Variants in DLK2 observed in about 807,000 individuals in gnomAD.
DLK2 encodes delta like non-canonical Notch ligand 2.
A neutral mutation model predicts 31.3 loss-of-function variants in DLK2; 9 were observed. The observed-to-expected ratio is 0.29, with a 90% confidence interval of 0.17 to 0.50. The LOEUF (loss-of-function observed/expected upper bound fraction) is 0.50, where lower values mean the gene tolerates loss of function less well. DLK2 is among the 20% of genes least tolerant of loss of function. The pLI, the probability that DLK2 is intolerant of heterozygous loss-of-function variation, is 0.98. For missense variants in DLK2, 387 were observed against 526.1 expected (o/e 0.74, Z 2.59); for synonymous variants, 169 against 201.2 (o/e 0.84, Z 1.35).
At chr6:43,452,964 C>T in intron 4 of DLK2, 41 bp downstream of exon 4, 1 of 1,612,638 alleles carries the variant, frequency 6.2e-7, no homozygotes, top group Non-Finnish European at 8.5e-7. Context: ...CCCCTAAGAA[C>T]ATGGGGTTCC....
At position 43,454,731 on chromosome 6, in the gene DLK2, G is replaced by C. The variant is rs1479448925; in HGVS notation, c.76+19C>G. The C allele has an allele frequency of 6.5e-7, 1 of 1,543,442 alleles. No individual in the cohort carries two copies. Among genetic ancestry groups the C allele is most frequent in the Non-Finnish European group, 8.7e-7 (1 of 1,148,684 alleles). ...ACGGCTGGACAGGGCCGCGACTGGAGCCCAGCGGGCGCGCTCACCTCGGAC... is the reference window on the plus strand; with the variant it reads ...ACGGCTGGACAGGGCCGCGACTGGACCCCAGCGGGCGCGCTCACCTCGGAC... On this transcript the variant is annotated intron_variant, in intron 2 of 5. Coordinates refer to ENST00000372488, the MANE Select transcript of DLK2 (RefSeq NM_023932.4).
chr6:43,454,922 T>C (rs1581821031), intron 1 of DLK2, 42 bp from the exon 2 acceptor site: 2 of 1,512,518 alleles, frequency 1.3e-6, no homozygotes, highest in Admixed American at 2.1e-5. Flanking sequence ...GACGCGGAGA[T>C]AGCGGCACGG....
chr6:43,450,685 C>T lies in DLK2; in HGVS notation c.1006G>A (p.Val336Ile), dbSNP rs1783664834. Residue 336 changes from valine to isoleucine, a missense_variant, in exon 6 of 6, where the codon GTC becomes ATC. By Grantham distance (29) the Val-to-Ile change is conservative. Transcript: ENST00000372488. This position sits in a 1 kb window ranked among gnomAD's most constrained non-coding sequence, Gnocchi z 4.5. The stretch of plus-strand genomic sequence containing the variant: ...TAGCAACAGGGTCCAGGGGGGCAGA[C>T]ACCCCGGCGCCAGGCCCTCAGGGTC... ...LLTLRAWRRG[V>I]CPPGPCCYPA... 3 of 1,613,850 alleles carry T rather than the reference C, an allele frequency of 1.9e-6. No individual in the cohort carries two copies. Among genetic ancestry groups the T allele is most frequent in the Admixed American group, 3.3e-5 (2 of 60,008 alleles).
chr6:43,452,947 G>T (rs1389210281), intron 4 of DLK2, 58 bp downstream of exon 4: 1 of 1,605,206 alleles, frequency 6.2e-7, no homozygotes, highest in Non-Finnish European at 8.5e-7. Context: ...AAATACTGAT[G>T]GCTGTTCCCC....
intron 4 of DLK2, among the ~76,000 whole-genome samples, chr6:43,452,628 C>G (rs920887808): frequency 6.6e-6 from 1 of 152,126 alleles, no homozygotes; most frequent in African/African-American, 2.4e-5. Context: ...ACGAGAATCA[C>G]TTGAACCCAG....
Position 43,451,332 on chromosome 6 carries a change from C to G in DLK2, c.417-58G>C. Reference sequence around the variant, plus strand: ...AACTTACCAACACCTGTAGGGCAGCCCAGGTCAGTATCCTGACCACTGCCC... The same window carrying G: ...AACTTACCAACACCTGTAGGGCAGCGCAGGTCAGTATCCTGACCACTGCCC... On this transcript the variant is annotated intron_variant, in intron 5 of 5. Coordinates refer to ENST00000372488, the MANE Select transcript of DLK2 (RefSeq NM_023932.4). This position sits in a 1 kb window ranked among gnomAD's most constrained non-coding sequence, Gnocchi z 4.4. 1 of 1,569,098 alleles carries G rather than the reference C, an allele frequency of 6.4e-7. No individual in the cohort carries two copies. The highest frequency in any genetic ancestry group is 1.3e-5 in the African/African-American group (1 of 74,396).
chr6:43,451,798 T>G lies in DLK2; in HGVS notation c.416+142A>C. On this transcript the variant is annotated intron_variant, in intron 5 of 5. Transcript: ENST00000372488. The surrounding 1 kb of genome is among the most constrained non-coding windows in gnomAD (Gnocchi z 4.4). ...GAGAAACCCTGAACTAGGAACACTT[T>G]GGCATGCAGGGGTTTTATCTGAGTG... 1 of 1,426,042 alleles carries G rather than the reference T, an allele frequency of 7.0e-7. No individual in the cohort carries two copies. The highest frequency in any genetic ancestry group is 9.2e-7 in the Non-Finnish European group (1 of 1,091,492). The allele number at this position is 1,426,042 out of a possible 1,614,324, so 88.3% of individuals were successfully genotyped here. A position where few individuals can be genotyped will look rare whatever the true frequency, so the allele number is the denominator to read the frequency against.
upstream of DLK2, chr6:43,455,703 G>T (rs1202400347): frequency 8.2e-6 from 1 of 122,048 alleles, no homozygotes; most frequent in Non-Finnish European, 1.6e-5. Context: ...CCGGCCCTCC[G>T]CGGCTACCCA....
chr6:43,454,758 G>C lies in DLK2; in HGVS notation c.68C>G (p.Pro23Arg), dbSNP rs1783906699. The change falls in exon 2 of 6, where the codon CCT becomes CGT. Residue 23 changes from proline (P) to arginine (R), a missense_variant. Physicochemically the swap from Pro to Arg is moderately radical, Grantham distance 103. Coordinates refer to ENST00000372488, the MANE Select transcript of DLK2 (RefSeq NM_023932.4). ...LLCILGAPGQ[P>R]VRADDCSSHC... is the part of the protein sequence containing the mutation. ...CCAGCGGGCGCGCTCACCTCGGACA[G>C]GCTGACCGGGAGCCCCCAGAATGCA... 2 of 1,553,024 alleles carry C rather than the reference G, an allele frequency of 1.3e-6. No homozygotes were observed. Among genetic ancestry groups the C allele is most frequent in the Admixed American group, 1.9e-5 (1 of 51,850 alleles).
intron 2 of DLK2, 74 bp downstream of exon 2, chr6:43,454,676 C>T: frequency 6.6e-7 from 1 of 1,507,544 alleles, no homozygotes; most frequent in Non-Finnish European, 8.9e-7. Context: ...GTGCCGCCTC[C>T]GGCCGGCAGA....
chr6:43,454,414 C>T lies in DLK2; in HGVS notation c.137G>A (p.Cys46Tyr). ...AHGCCAPDGS[C>Y]RCDPGWEGLH... is the part of the protein sequence containing the mutation. ...GGCACGTGCTCAGGACAGGTACCTGCAGGAGCCGTCAGGTGCACAGCAGCC... is the reference window on the plus strand; with the variant it reads ...GGCACGTGCTCAGGACAGGTACCTGTAGGAGCCGTCAGGTGCACAGCAGCC... The change falls in exon 3 of 6, where the codon TGC (cysteine) becomes TAC (tyrosine). Residue 46 changes from cysteine (C) to tyrosine (Y), a missense_variant. By Grantham distance (194) the Cys-to-Tyr change is radical. Coordinates refer to ENST00000372488, the MANE Select transcript of DLK2 (RefSeq NM_023932.4). 1 of 1,603,092 alleles carries T rather than the reference C, an allele frequency of 6.2e-7. No individual in the cohort carries two copies. The highest frequency in any genetic ancestry group is 8.5e-7 in the Non-Finnish European group (1 of 1,176,390).
Position 43,450,635 on chromosome 6 carries a change from C to T in DLK2, c.1056G>A (p.Ala352=), listed in dbSNP as rs761699614. The T allele has an allele frequency of 1.5e-5, 24 of 1,612,958 alleles. No homozygotes were observed. The highest frequency in any genetic ancestry group is 6.7e-5 in the African/African-American group (5 of 74,912). ...TAACCTGACACTCCTGGTCCTGGCA[C>T]GCTGGAGCATAGTGTGGGGCAGGGT... ...CCYPAPHYAP[A]CQDQECQVSM... is the part of the protein sequence containing the mutation. The change falls in exon 6 of 6, where the codon GCG becomes GCA. Residue 352 remains alanine (A), a synonymous_variant. Coordinates refer to ENST00000372488, the MANE Select transcript of DLK2 (RefSeq NM_023932.4). The surrounding 1 kb of genome is among the most constrained non-coding windows in gnomAD (Gnocchi z 4.5).
upstream of DLK2, chr6:43,455,648 C>T (rs1212866210): frequency 6.9e-6 from 1 of 145,132 alleles, no homozygotes; most frequent in Admixed American, 6.8e-5. Context: ...ATCCCCCCCC[C>T]CGCGACGCAC....
intron 4 of DLK2, among the ~76,000 whole-genome samples, chr6:43,452,621 A>G (rs528438552): frequency 2.6e-5 from 4 of 152,296 alleles, no homozygotes; most frequent in Admixed American, 2.6e-4. Flanking sequence ...CTGAGGCACG[A>G]GAATCACTTG....
intron 2 of DLK2, 60 bp from the exon 3 acceptor site, chr6:43,454,534 G>A (rs1039954536): frequency 5.3e-6 from 8 of 1,510,322 alleles, no homozygotes; most frequent in Non-Finnish European, 7.2e-6. Context: ...GCTGGGATGC[G>A]GGACTCAGGA....
chr6:43,455,639 T>TCCCCCCCCCCCCC (rs1318987135), upstream of DLK2: 53 of 47,864 alleles, frequency 1.1e-3, no homozygotes, highest in Admixed American at 2.8e-3. Context: ...CCCACCCCCA[T>TCCCCCCCCCCCCC]CCCCCCCCCC....
rs367785237 is a variant in DLK2, at chr6:43,453,381, T to C, written c.141-246A>G. The stretch of plus-strand genomic sequence containing the variant: ...GAGCCTCAGTTTTCTCACCTGTAAA[T>C]TGGGGATACACCTTGCAGGGTTGAG... On this transcript the variant is annotated intron_variant, in intron 3 of 5. Coordinates refer to ENST00000372488, the MANE Select transcript of DLK2 (RefSeq NM_023932.4). The surrounding 1 kb of genome is among the most constrained non-coding windows in gnomAD (Gnocchi z 4.1). Among the ~76,000 whole-genome samples, 20 of 152,304 alleles carry C rather than the reference T, an allele frequency of 1.3e-4. No individual in the cohort carries two copies. In the South Asian group the frequency reaches 3.3e-3, roughly 25 times the overall value.
At chr6:43,454,505 C>G in intron 2 of DLK2, 31 bp from the exon 3 acceptor site, 2 of 1,572,628 alleles carry the variant, frequency 1.3e-6, no homozygotes, top group Non-Finnish European at 1.7e-6. Flanking sequence ...AGGGGTGAGT[C>G]TGAGTCAGGG....
Position 43,450,674 on chromosome 6 carries a change from A to AG in DLK2, c.1016dup (p.Gly340TrpfsTer22), listed in dbSNP as rs1323689469. On this transcript the variant is annotated frameshift_variant, in exon 6 of 6. Coordinates refer to ENST00000372488, the MANE Select transcript of DLK2 (RefSeq NM_023932.4). LOFTEE classifies it high-confidence loss of function. The surrounding 1 kb of genome is among the most constrained non-coding windows in gnomAD (Gnocchi z 4.5). ...GTGGGGCAGGGTAGCAACAGGGTCCAGGGGGGCAGACACCCCGGCGCCAGG... is the reference window on the plus strand; with the variant it reads ...GTGGGGCAGGGTAGCAACAGGGTCCAGGGGGGGCAGACACCCCGGCGCCAGG... 10 of 1,613,848 alleles carry AG rather than the reference A, an allele frequency of 6.2e-6. No homozygotes were observed. Among genetic ancestry groups the AG allele is most frequent in the Non-Finnish European group, 7.6e-6 (9 of 1,179,932 alleles).
Sources: allele counts gnomAD v4.1 joint callset (sites outside exome capture counted in the v4.1 genomes callset), GRCh38; gene constraint gnomAD v4.1.1; non-coding constraint Gnocchi (gnomAD v3.1); transcripts MANE v1.5; gene names NCBI Gene and HGNC (gene_info 2026-07-23, HGNC 2026-07-21).